Variants in PTDSS2 observed in about 807,000 individuals in gnomAD.
PTDSS2 encodes the protein PSS-2.
A neutral mutation model predicts 64.7 loss-of-function variants in PTDSS2; 41 were observed. The ratio of observed to expected loss-of-function variants is 0.63; its 90% CI spans 0.49 to 0.82. PTDSS2 has a LOEUF of 0.82. Ranked by LOEUF, PTDSS2 falls within the 40% of genes least tolerant of loss-of-function variation. The pLI, the probability that PTDSS2 is intolerant of heterozygous loss-of-function variation, is 0.00. For missense variants in PTDSS2, 485 were observed against 650.0 expected (o/e 0.75, Z 2.76); for synonymous variants, 297 against 277.8 (o/e 1.07, Z -0.69).
intron 8 of PTDSS2, among the ~76,000 whole-genome samples, chr11:488,890 C>T (rs1027558277): frequency 6.6e-6 from 1 of 152,218 alleles, no homozygotes; most frequent in Non-Finnish European, 1.5e-5. Flanking sequence ...GCCGGCCTGG[C>T]GCAGGGGCTG....
At chr11:481,536 T>TAG (rs1848072040) in intron 4 of PTDSS2, among the ~76,000 whole-genome samples, 1 of 152,262 alleles carries the variant, frequency 6.6e-6, no homozygotes, top group African/African-American at 2.4e-5. Context: ...AACAATGTGT[T>TAG]ACAGTTTTCA....
rs113311945 is a variant in PTDSS2, at chr11:477,652, G to A, written c.368-1433G>A. 1.9e-3 allele frequency among the ~76,000 whole-genome samples: 293 copies of A among 152,368 alleles called. 1 individual carries two copies. The highest frequency in any genetic ancestry group is 6.9e-3 in the African/African-American group (285 of 41,578). The stretch of plus-strand genomic sequence containing the variant: ...GCGGGGAGGGAAGTTAGTACTGGTC[G>A]TGGTGACCTGTGGCCCGCTCAGAAC... On this transcript the variant is annotated intron_variant, in intron 3 of 11. Transcript: ENST00000308020.
rs56005321 is a variant in PTDSS2, at chr11:489,829, C to A, written c.1116-54C>A. On this transcript the variant is annotated intron_variant, in intron 10 of 11. Transcript: ENST00000308020. ...TGGGAGGCCGGAGCCTGGGCAAGTC[C>A]GCCTGGAGGACCCTGCGGGGCCCGG... is the stretch of plus-strand genomic sequence containing the variant. 0.19 allele frequency: 287,460 copies of A among 1,543,904 alleles called. 27,604 individuals carry two copies. Among genetic ancestry groups the A allele is most frequent in the African/African-American group, 0.31 (22,551 of 73,288 alleles).
chr11:457,719 T>C (rs1203423173), intron 1 of PTDSS2, among the ~76,000 whole-genome samples: 2 of 152,232 alleles, frequency 1.3e-5, no homozygotes, highest in East Asian at 3.8e-4. Context: ...ACTGGACCTG[T>C]GTTTTCATCT....
chr11:461,585 G>T lies in PTDSS2; in HGVS notation c.284+1297G>T, dbSNP rs1381380553. ...CTGCTCCTGGCTGCATGCTCTGTGG[G>T]TTCTCTCCCACCTTGCTGTCATCCC... On this transcript the variant is annotated intron_variant, in intron 2 of 11. Coordinates refer to ENST00000308020, the MANE Select transcript of PTDSS2 (RefSeq NM_030783.3). The surrounding 1 kb of genome is among the most constrained non-coding windows in gnomAD (Gnocchi z 4.2). Among the ~76,000 whole-genome samples, 1 of 152,120 alleles carries T rather than the reference G, an allele frequency of 6.6e-6. No individual in the cohort carries two copies. The highest frequency in any genetic ancestry group is 1.5e-5 in the Non-Finnish European group (1 of 68,008).
At chr11:457,579 G>T (rs527538815) in intron 1 of PTDSS2, among the ~76,000 whole-genome samples, 1 of 152,340 alleles carries the variant, frequency 6.6e-6, no homozygotes, top group East Asian at 1.9e-4. Context: ...GTTGCCAGCA[G>T]CACATTCCTC....
intron 1 of PTDSS2, among the ~76,000 whole-genome samples, chr11:455,682 C>G (rs1157359531): frequency 6.6e-6 from 1 of 152,248 alleles, no homozygotes; most frequent in Non-Finnish European, 1.5e-5. Context: ...TCCCTTCTTG[C>G]TATGGTCTCC....
At position 450,339 on chromosome 11, in the gene PTDSS2, C is replaced by A; in HGVS notation, c.-117C>A. On this transcript the variant is annotated 5_prime_UTR_variant, in exon 1 of 12. Coordinates refer to ENST00000308020, the MANE Select transcript of PTDSS2 (RefSeq NM_030783.3). Reference sequence around the variant, plus strand: ...CGCTGCTCTCCTAAGACCCCGCGGGCCAGCGCCGCGACCCCTTCCCAGCGC... The same window carrying A: ...CGCTGCTCTCCTAAGACCCCGCGGGACAGCGCCGCGACCCCTTCCCAGCGC... 2.1e-6 allele frequency: 2 copies of A among 942,446 alleles called. No individual in the cohort carries two copies. The highest frequency in any genetic ancestry group is 2.7e-6 in the Non-Finnish European group (2 of 729,702). The allele number at this position is 942,446 out of a possible 1,614,324, so 58.4% of individuals were successfully genotyped here.
At chr11:473,858 T>G (rs781469158) in intron 2 of PTDSS2, 37 bp from the exon 3 acceptor site, 1 of 1,511,926 alleles carries the variant, frequency 6.6e-7, no homozygotes, top group Non-Finnish European at 9.2e-7. Context: ...GGGAGAAGCC[T>G]GCACACACTG....
intron 4 of PTDSS2, among the ~76,000 whole-genome samples, chr11:482,223 CT>C (rs558526140): frequency 0.21 from 24,602 of 116,534 alleles, 1,728 homozygotes; most frequent in Middle Eastern, 0.31. Flanking sequence ...CAAGGATGGG[CT>C]TTTTTTTTTT....
intron 1 of PTDSS2, among the ~76,000 whole-genome samples, chr11:454,698 G>C (rs529785934): frequency 3.9e-5 from 6 of 152,254 alleles, no homozygotes; most frequent in African/African-American, 1.2e-4. Context: ...CCAGCTGCTT[G>C]GGAGGCTGAG....
At chr11:481,941 C>G (rs914743029) in intron 4 of PTDSS2, among the ~76,000 whole-genome samples, 2 of 151,252 alleles carry the variant, frequency 1.3e-5, no homozygotes, top group African/African-American at 4.9e-5. Flanking sequence ...CTCCCAGGTT[C>G]AAGCAATTCC....
chr11:489,419 G>A lies in PTDSS2; in HGVS notation c.874G>A (p.Ala292Thr), dbSNP rs1848560305. ...PTYKGKMKRI[A>T]FQFTPYSWVR... ...TCCCAGGGGCAAGATGAAGAGGATC[G>A]CCTTCCAGTTCACGCCGTACAGCTG... The change falls in exon 9 of 12, where the codon GCC becomes ACC. Residue 292 changes from alanine (A) to threonine (T), a missense_variant. By Grantham distance (58) the Ala-to-Thr change is moderately conservative (BLOSUM62 0). Coordinates refer to ENST00000308020, the MANE Select transcript of PTDSS2 (RefSeq NM_030783.3). 1 of 1,613,206 alleles carries A rather than the reference G, an allele frequency of 6.2e-7. No individual in the cohort carries two copies.
intron 2 of PTDSS2, among the ~76,000 whole-genome samples, chr11:465,178 G>T (rs572970967): frequency 8.6e-5 from 13 of 151,354 alleles, no homozygotes; most frequent in Admixed American, 7.9e-4. Flanking sequence ...AATGTGAAAT[G>T]AGAAGCTATA....
chr11:490,761 C>T lies in PTDSS2; in HGVS notation c.*179C>T, dbSNP rs1025544707. ...GGAGGCCCCAGCACAGCCTCATCTC[C>T]ATGTGTACACGTGTGTACGTGTGTA... On this transcript the variant is annotated 3_prime_UTR_variant, in exon 12 of 12. Transcript: ENST00000308020. The T allele has an allele frequency of 6.6e-6, 4 of 608,562 alleles. No individual in the cohort carries two copies. The African/African-American group carries it at 7.6e-5, about 12-fold the overall frequency. 37.7% of individuals were successfully genotyped at this position (608,562 alleles called of 1,614,324 possible). A position where few individuals can be genotyped will look rare whatever the true frequency, so the allele number is the denominator to read the frequency against.
At chr11:487,884 C>T (rs545779350) in intron 6 of PTDSS2, among the ~76,000 whole-genome samples, 2 of 152,334 alleles carry the variant, frequency 1.3e-5, no homozygotes, top group African/African-American at 4.8e-5. Flanking sequence ...AGTCGTACAT[C>T]GAGGCTGCTG....
chr11:491,039 T>G lies in PTDSS2; in HGVS notation c.*457T>G. ...TGTGGTCCAGGCAGGGACATCTCGG[T>G]ACCCTTTCTGCACTCCGTGGGCCCT... On this transcript the variant is annotated 3_prime_UTR_variant, in exon 12 of 12. Transcript: ENST00000308020. 5.8e-6 allele frequency: 1 copy of G among 173,350 alleles called. No individual in the cohort carries two copies. The allele number at this position is 173,350 out of a possible 1,614,324, so 10.7% of individuals were successfully genotyped here.
Position 476,425 on chromosome 11 carries a change from T to G in PTDSS2, c.367+2448T>G, listed in dbSNP as rs1203391566. On this transcript the variant is annotated intron_variant, in intron 3 of 11. Coordinates refer to ENST00000308020, the MANE Select transcript of PTDSS2 (RefSeq NM_030783.3). The surrounding 1 kb of genome is among the most constrained non-coding windows in gnomAD (Gnocchi z 4.9). ...CAGTGAAAAGCCTGGTGCAGTTACG[T>G]GCTTGTTGGGTGGATTTGGAGGGAA... Among the ~76,000 whole-genome samples the G allele has an allele frequency of 2.0e-5, 3 of 152,140 alleles. No homozygotes were observed. Among genetic ancestry groups the G allele is most frequent in the Non-Finnish European group, 2.9e-5 (2 of 67,998 alleles).
chr11:456,391 G>A (rs1846599220), intron 1 of PTDSS2, among the ~76,000 whole-genome samples: 1 of 149,798 alleles, frequency 6.7e-6, no homozygotes, highest in African/African-American at 2.5e-5. Flanking sequence ...TTCCCGAGCT[G>A]GTCTCCAACT....
Sources: allele counts gnomAD v4.1 joint callset (sites outside exome capture counted in the v4.1 genomes callset), GRCh38; gene constraint gnomAD v4.1.1; non-coding constraint Gnocchi (gnomAD v3.1); transcripts MANE v1.5; gene names NCBI Gene and HGNC (gene_info 2026-07-23, HGNC 2026-07-21).